ZNF469: variants seen among roughly 807,000 people sequenced by gnomAD.
The protein encoded by ZNF469 is zinc finger protein 469.
Under a neutral mutation model 1.0 loss-of-function variants are expected in ZNF469, and 1 was observed. That is an observed-to-expected ratio of 1.00 (90% CI 0.35 to 4.73). ZNF469 has a LOEUF of 4.73. ZNF469 is among the 30% of genes most tolerant of loss of function. The probability of loss-of-function intolerance (pLI) is 0.16; values close to 1 mark genes in which losing one functional copy is unlikely to be tolerated. For synonymous variants in ZNF469, 2,703 were observed against 2,363.4 expected, an observed-to-expected ratio of 1.14 and a Z score of -4.17; for missense variants, 6,100 against 5,356.3, an observed-to-expected ratio of 1.14 and a Z score of -4.33.
the ZNF469 span, among the ~76,000 whole-genome samples, chr16:88,113,313 A>G: frequency 6.6e-6 from 1 of 152,038 alleles, no homozygotes; most frequent in Non-Finnish European, 1.5e-5. Flanking sequence ...ACTCTTCTGC[A>G]GATGTGTAGC....
chr16:88,367,468 C>T, the ZNF469 span, among the ~76,000 whole-genome samples: 1 of 152,208 alleles, frequency 6.6e-6, no homozygotes, highest in Admixed American at 6.5e-5. Flanking sequence ...TCATCCTTCG[C>T]CACCTTTTCC....
the ZNF469 span, among the ~76,000 whole-genome samples, chr16:88,256,887 TTTCTTTCC>T: frequency 2.7e-3 from 137 of 51,100 alleles, 44 homozygotes; most frequent in Admixed American, 2.6e-3. Flanking sequence ...TTTCTTTTCT[TTTCTTTCC>T]TTCTTTCTTT....
chr16:88,355,545 G>A, the ZNF469 span, among the ~76,000 whole-genome samples: 2,073 of 152,350 alleles, frequency 0.014, 25 homozygotes, highest in South Asian at 0.07. Context: ...GATCCTGGGG[G>A]TGGGTGAGGA....
At chr16:88,192,766 A>T in the ZNF469 span, among the ~76,000 whole-genome samples, 1 of 88,738 alleles carries the variant, frequency 1.1e-5, no homozygotes, top group Non-Finnish European at 2.5e-5. Context: ...GATGATCATG[A>T]TGGTGATGAT....
the ZNF469 span, among the ~76,000 whole-genome samples, chr16:88,322,395 G>T: frequency 1.3e-5 from 2 of 152,238 alleles, no homozygotes; most frequent in African/African-American, 4.8e-5. Flanking sequence ...ACCTGCTCTC[G>T]CGGTCTCGGG....
At chr16:88,141,860 T>C in the ZNF469 span, among the ~76,000 whole-genome samples, 1 of 152,276 alleles carries the variant, frequency 6.6e-6, no homozygotes, top group Non-Finnish European at 1.5e-5. Flanking sequence ...TCCCTGCGCC[T>C]CCAGAAGGGA....
At chr16:88,133,795 A>G in the ZNF469 span, among the ~76,000 whole-genome samples, 99 of 152,316 alleles carry the variant, frequency 6.5e-4, no homozygotes, top group Admixed American at 1.7e-3. Context: ...TACATTATGC[A>G]TAAAAACGGA....
the ZNF469 span, among the ~76,000 whole-genome samples, chr16:88,313,640 T>G: frequency 6.6e-6 from 1 of 152,188 alleles, no homozygotes; most frequent in African/African-American, 2.4e-5. Context: ...TCTGTGTGAT[T>G]ATGATAATGC....
the ZNF469 span, among the ~76,000 whole-genome samples, chr16:88,163,523 TGGA>T: frequency 6.6e-6 from 1 of 150,762 alleles, no homozygotes; most frequent in Admixed American, 6.6e-5. Context: ...GATGGATGGA[TGGA>T]TGGATGGATG....
At chr16:88,405,297 C>G (rs1175642398) in intron 1 of ZNF469, among the ~76,000 whole-genome samples, 1 of 152,134 alleles carries the variant, frequency 6.6e-6, no homozygotes, top group African/African-American at 2.4e-5. Flanking sequence ...AGCCCCTGGG[C>G]TACCGCTGTG....
the ZNF469 span, among the ~76,000 whole-genome samples, chr16:88,258,398 G>C: frequency 6.6e-6 from 1 of 151,982 alleles, no homozygotes; most frequent in African/African-American, 2.4e-5. Context: ...CAGCTCAGCA[G>C]AGCTGAATGG....
chr16:88,362,218 A>C, the ZNF469 span, among the ~76,000 whole-genome samples: 1 of 152,216 alleles, frequency 6.6e-6, no homozygotes, highest in Admixed American at 6.5e-5. Context: ...ATTGTATACC[A>C]ATTCCAATGG....
the ZNF469 span, among the ~76,000 whole-genome samples, chr16:88,192,742 G>A: frequency 2.0e-5 from 3 of 152,004 alleles, no homozygotes; most frequent in Non-Finnish European, 4.4e-5. Flanking sequence ...GATAATGGTG[G>A]TGGTGACAGT....
In ZNF469 at chr16:88,431,463, G is replaced by A; in HGVS notation, c.3993G>A (p.Val1331=). The part of the protein sequence containing the change: ...ARQPGEFLAP[V]ANPSSTACPK... Reference sequence around the variant, plus strand: ...AGCCTGGAGAATTTCTGGCACCCGTGGCTAACCCCTCAAGTACCGCCTGCC... The same window carrying A: ...AGCCTGGAGAATTTCTGGCACCCGTAGCTAACCCCTCAAGTACCGCCTGCC... Residue 1331 remains valine (V), a synonymous_variant, in exon 3 of 3, where the codon GTG becomes GTA. Coordinates refer to ENST00000565624, the MANE Select transcript of ZNF469 (RefSeq NM_001367624.2). The A allele has an allele frequency of 6.4e-7, 1 of 1,550,390 alleles. No homozygotes were observed. Among genetic ancestry groups the A allele is most frequent in the Non-Finnish European group, 8.7e-7 (1 of 1,146,998 alleles).
the ZNF469 span, among the ~76,000 whole-genome samples, chr16:88,350,959 A>G: frequency 1.3e-5 from 2 of 152,358 alleles, no homozygotes; most frequent in East Asian, 3.9e-4. Flanking sequence ...GACTTCCAGA[A>G]CTGTGGAGGA....
chr16:88,130,685 C>A, the ZNF469 span, among the ~76,000 whole-genome samples: 1 of 143,978 alleles, frequency 6.9e-6, no homozygotes, highest in Non-Finnish European at 1.5e-5. Context: ...CAGCCTGGGC[C>A]ACAAGAGTGA....
At chr16:88,305,432 A>G in the ZNF469 span, among the ~76,000 whole-genome samples, 3 of 147,032 alleles carry the variant, frequency 2.0e-5, no homozygotes, top group African/African-American at 7.7e-5. Context: ...ACGCCCTCAC[A>G]CACGTGCACA....
chr16:88,171,688 G>A, the ZNF469 span, among the ~76,000 whole-genome samples: 1 of 152,274 alleles, frequency 6.6e-6, no homozygotes, highest in East Asian at 1.9e-4. Flanking sequence ...TTTATAAATG[G>A]GTGGAAGACC....
At chr16:88,330,956 CATT>C in the ZNF469 span, among the ~76,000 whole-genome samples, 1 of 152,210 alleles carries the variant, frequency 6.6e-6, no homozygotes, top group Non-Finnish European at 1.5e-5. Context: ...GCTGCATCAT[CATT>C]GTCATAGTCA....
Sources: gnomAD v4.1 joint callset for allele counts (sites outside exome capture counted in the v4.1 genomes callset) on GRCh38, gnomAD v4.1.1 for gene constraint, MANE v1.5 for transcripts, NCBI Gene and HGNC (gene_info 2026-07-23, HGNC 2026-07-21) for gene names.